The following CNTNAP5 variants were observed in gnomAD, a reference collection of about 807,000 sequenced individuals.
CNTNAP5 encodes contactin-associated protein-like 5.
In CNTNAP5, 72 loss-of-function variants were observed where a neutral mutation model predicts 150.2. The observed-to-expected ratio is 0.48, with a 90% CI of 0.40 to 0.58. The LOEUF is 0.58. CNTNAP5 is among the 20% of genes least tolerant of loss of function. CNTNAP5 has a pLI of 0.00. For missense variants in CNTNAP5, 1,636 were observed against 1,626.2 expected (o/e 1.01, Z -0.10); for synonymous variants, 672 against 619.8 (o/e 1.08, Z -1.25).
chr2:124,289,685 T>C (rs377239124), intron 3 of CNTNAP5, among the ~76,000 whole-genome samples: 9 of 152,284 alleles, frequency 5.9e-5, no homozygotes, highest in African/African-American at 2.2e-4. Flanking sequence ...GTGAAATAGA[T>C]ATATTGCCAT....
At chr2:124,513,001 G>A (rs1035050968) in intron 8 of CNTNAP5, among the ~76,000 whole-genome samples, 10 of 152,190 alleles carry the variant, frequency 6.6e-5, no homozygotes, top group African/African-American at 2.4e-4. Flanking sequence ...ACCTTTCCAA[G>A]GCAGGCCAGG....
chr2:124,643,509 G>T (rs957536677), intron 12 of CNTNAP5, among the ~76,000 whole-genome samples: 3 of 152,106 alleles, frequency 2.0e-5, no homozygotes, highest in Admixed American at 2.0e-4. Context: ...ACTTAACAAG[G>T]TGGTAATAAT....
intron 21 of CNTNAP5, among the ~76,000 whole-genome samples, chr2:124,878,117 A>G (rs1184862652): frequency 3.3e-5 from 5 of 151,970 alleles, no homozygotes; most frequent in Admixed American, 2.6e-4. Flanking sequence ...TGCACAGTTC[A>G]TTTTTCTGCT....
chr2:124,914,552 G>C lies in CNTNAP5; in HGVS notation c.*264G>C, dbSNP rs1273964864. The stretch of plus-strand genomic sequence containing the variant: ...TGACTTCGCCATTCAAGACAAGGAA[G>C]AGACACATGTGTGCACTCCTGCATG... On this transcript the variant is annotated 3_prime_UTR_variant, in exon 24 of 24. Transcript: ENST00000682447. 1 of 424,838 alleles carries C rather than the reference G, an allele frequency of 2.4e-6. No individual in the cohort carries two copies. Among genetic ancestry groups the C allele is most frequent in the African/African-American group, 2.0e-5 (1 of 49,766 alleles). The allele number at this position is 424,838 out of a possible 1,614,324, so 26.3% of individuals were successfully genotyped here.
intron 11 of CNTNAP5, among the ~76,000 whole-genome samples, chr2:124,568,671 T>C (rs993975019): frequency 6.6e-6 from 1 of 152,226 alleles, no homozygotes; most frequent in African/African-American, 2.4e-5. Flanking sequence ...TCTTTCTTAT[T>C]CTGGTGAGAG....
intron 11 of CNTNAP5, among the ~76,000 whole-genome samples, chr2:124,581,662 A>G (rs948076473): frequency 3.9e-5 from 6 of 152,170 alleles, no homozygotes; most frequent in African/African-American, 1.2e-4. Context: ...CCCACAGGTA[A>G]TGATCAGTCA....
At chr2:124,090,484 C>T (rs577365501) in intron 1 of CNTNAP5, among the ~76,000 whole-genome samples, 2 of 152,090 alleles carry the variant, frequency 1.3e-5, no homozygotes, top group African/African-American at 2.4e-5. Context: ...TATTGACTAG[C>T]TCTTTTATGT....
chr2:124,245,201 G>A (rs1478568826), intron 3 of CNTNAP5, among the ~76,000 whole-genome samples: 1 of 152,106 alleles, frequency 6.6e-6, no homozygotes, highest in Admixed American at 6.6e-5. Context: ...ATTTGTGTAT[G>A]TTGTAAATAG....
chr2:124,810,781 G>C (rs541563573), intron 19 of CNTNAP5, among the ~76,000 whole-genome samples: 10 of 151,936 alleles, frequency 6.6e-5, no homozygotes, highest in Non-Finnish European at 1.3e-4. Flanking sequence ...GCATGCTATT[G>C]CCCTCCCAGA....
chr2:124,147,130 C>G (rs1684273788), intron 1 of CNTNAP5, among the ~76,000 whole-genome samples: 1 of 152,058 alleles, frequency 6.6e-6, no homozygotes, highest in Non-Finnish European at 1.5e-5. Context: ...GGAGAGTTGC[C>G]ATTTGAAGGA....
chr2:124,773,764 G>GGT (rs142316769), intron 17 of CNTNAP5, among the ~76,000 whole-genome samples: 2,320 of 150,556 alleles, frequency 0.015, 39 homozygotes, highest in African/African-American at 0.052. Context: ...ATAATCCTCT[G>GGT]GTGTGTGTGT....
intron 21 of CNTNAP5, among the ~76,000 whole-genome samples, chr2:124,899,542 A>G (rs1678373918): frequency 6.6e-6 from 1 of 151,630 alleles, no homozygotes; most frequent in South Asian, 2.1e-4. Flanking sequence ...TCTTTCCAAG[A>G]TGCCTTTGGT....
intron 1 of CNTNAP5, among the ~76,000 whole-genome samples, chr2:124,067,975 A>C (rs1217684173): frequency 7.2e-5 from 11 of 152,176 alleles, no homozygotes; most frequent in Admixed American, 7.2e-4. Context: ...TTGGAGAAGG[A>C]GGAATAAACA....
chr2:124,819,588 A>G (rs777046983), intron 19 of CNTNAP5, among the ~76,000 whole-genome samples: 1 of 152,204 alleles, frequency 6.6e-6, no homozygotes, highest in Non-Finnish European at 1.5e-5. Flanking sequence ...TTCAAATAAT[A>G]GTTGGTCAGT....
chr2:124,655,999 A>AAAGAAAGAAAGAAAGAAAGAAGG lies in CNTNAP5; in HGVS notation c.2077+8044_2077+8045insAAAGAAAGAAAGAAAGAAGGAAG, dbSNP rs1317556643. ...AGAAAGAAAGAAAGAAAGAAAGAAAAAAGGAAGGAAGGAAGGAAGGAAGGG... is the reference window on the plus strand; with the variant it reads ...AGAAAGAAAGAAAGAAAGAAAGAAAAAAGAAAGAAAGAAAGAAAGAAGGAAGGAAGGAAGGAAGGAAGGAAGGG... On this transcript the variant is annotated intron_variant, in intron 13 of 23. Transcript: ENST00000682447. 4.9e-4 allele frequency among the ~76,000 whole-genome samples: 44 copies of AAAGAAAGAAAGAAAGAAAGAAGG among 90,576 alleles called. 1 individual carries two copies. Among genetic ancestry groups the AAAGAAAGAAAGAAAGAAAGAAGG allele is most frequent in the South Asian group, 1.2e-3 (3 of 2,562 alleles). 59.4% of individuals were successfully genotyped at this position (90,576 alleles called of 152,430 possible).
chr2:124,776,639 C>T (rs1681330697), intron 17 of CNTNAP5, among the ~76,000 whole-genome samples: 1 of 152,148 alleles, frequency 6.6e-6, no homozygotes, highest in Admixed American at 6.6e-5. Flanking sequence ...CTTGTGAGTG[C>T]CTCATGAAGA....
At chr2:124,451,050 A>AAAC (rs1692960882) in intron 6 of CNTNAP5, among the ~76,000 whole-genome samples, 1 of 72,126 alleles carries the variant, frequency 1.4e-5, no homozygotes, top group Admixed American at 1.8e-4. Context: ...AAAAAAAAAA[A>AAAC]AATATATATA....
chr2:124,818,863 A>G (rs1682425461), intron 19 of CNTNAP5, among the ~76,000 whole-genome samples: 1 of 151,980 alleles, frequency 6.6e-6, no homozygotes, highest in Non-Finnish European at 1.5e-5. Context: ...TTTTTCACCT[A>G]CTGTCATAGG....
chr2:124,419,973 T>TC (rs2104780146), intron 4 of CNTNAP5, among the ~76,000 whole-genome samples: 1 of 102,728 alleles, frequency 9.7e-6, no homozygotes, highest in African/African-American at 3.5e-5. Flanking sequence ...TCTCTCTCTC[T>TC]TTCTTTCTTT....
Sources: gnomAD v4.1 joint callset for allele counts (sites outside exome capture counted in the v4.1 genomes callset) on GRCh38, gnomAD v4.1.1 for gene constraint, MANE v1.5 for transcripts, NCBI Gene and HGNC (gene_info 2026-07-23, HGNC 2026-07-21) for gene names.